ATP9B: variants seen among roughly 807,000 people sequenced by gnomAD.
The protein encoded by ATP9B is ATPase phospholipid transporting 9B.
In ATP9B, 110 loss-of-function variants were observed where a neutral mutation model predicts 146.1. The ratio of observed to expected loss-of-function variants is 0.75; its 90% CI spans 0.65 to 0.88. The LOEUF is 0.88. Among genes scored for constraint, ATP9B ranks in the 40% least tolerant of loss-of-function variants. ATP9B has a pLI of 0.00. For missense variants in ATP9B, 1,499 were observed against 1,496.4 expected (o/e 1.00, Z -0.03); for synonymous variants, 604 against 569.7 (o/e 1.06, Z -0.86).
chr18:79,140,316 T>A (rs118130482), intron 5 of ATP9B, among the ~76,000 whole-genome samples: 1 of 152,342 alleles, frequency 6.6e-6, no homozygotes, highest in East Asian at 1.9e-4. Context: ...TAAATAATTA[T>A]CATCGAATGG....
chr18:79,345,531 C>T lies in ATP9B; in HGVS notation c.2576C>T (p.Thr859Ile). 1 of 1,611,904 alleles carries T rather than the reference C, an allele frequency of 6.2e-7. No individual in the cohort carries two copies. The highest frequency in any genetic ancestry group is 2.2e-5 in the East Asian group (1 of 44,880). The change falls in exon 22 of 30, where the codon ACA becomes ATA. Residue 859 changes from threonine (T) to isoleucine (I), a missense_variant. Transcript: ENST00000426216. The stretch of plus-strand genomic sequence containing the variant: ...CCCACCCAGAAGGCCCGCATTGTGA[C>T]ACTGCTGCAGCAGCACACAGGGAGA... ...CSPTQKARIV[T>I]LLQQHTGRRT...
intron 15 of ATP9B, among the ~76,000 whole-genome samples, chr18:79,327,935 G>A (rs1447815027): frequency 6.3e-5 from 6 of 94,944 alleles, no homozygotes; most frequent in African/African-American, 2.4e-4. Context: ...TCTCTGGTTA[G>A]CGTGCTCTCC....
chr18:79,325,759 G>T (rs904512452), intron 15 of ATP9B, among the ~76,000 whole-genome samples: 3 of 152,186 alleles, frequency 2.0e-5, no homozygotes, highest in Admixed American at 1.3e-4. Flanking sequence ...CCCTGGCTTT[G>T]CTCCCGGCAC....
intron 25 of ATP9B, among the ~76,000 whole-genome samples, chr18:79,351,529 T>C (rs2096922362): frequency 6.6e-6 from 1 of 152,182 alleles, no homozygotes; most frequent in African/African-American, 2.4e-5. Context: ...ATACCAAGAA[T>C]TGAACAAAAA....
At chr18:79,106,538 A>G (rs2075663709) in intron 2 of ATP9B, among the ~76,000 whole-genome samples, 1 of 152,134 alleles carries the variant, frequency 6.6e-6, no homozygotes, top group African/African-American at 2.4e-5. Context: ...TTCACACCTC[A>G]TGCCTGTTGC....
At chr18:79,263,260 C>T (rs979390239) in intron 12 of ATP9B, among the ~76,000 whole-genome samples, 1 of 152,100 alleles carries the variant, frequency 6.6e-6, no homozygotes, top group Non-Finnish European at 1.5e-5. Context: ...GGTTCCAGCA[C>T]CCTCCATGGA....
intron 7 of ATP9B, among the ~76,000 whole-genome samples, chr18:79,156,813 T>C (rs567530312): frequency 6.6e-6 from 1 of 152,212 alleles, no homozygotes; most frequent in Non-Finnish European, 1.5e-5. Context: ...TTAGGTGCTT[T>C]TGCAGTCCAG....
intron 5 of ATP9B, among the ~76,000 whole-genome samples, chr18:79,138,973 T>TG (rs957792341): frequency 2.6e-5 from 4 of 151,820 alleles, no homozygotes; most frequent in African/African-American, 9.7e-5. Flanking sequence ...GAGGCTGAGG[T>TG]GGGGGGATCA....
chr18:79,277,511 A>C (rs2096325628), intron 13 of ATP9B, among the ~76,000 whole-genome samples: 1 of 152,040 alleles, frequency 6.6e-6, no homozygotes. Context: ...ACACCTCCCT[A>C]GTGGCTTATT....
chr18:79,115,358 C>T (rs1396440614), intron 4 of ATP9B: 4 of 130,978 alleles, frequency 3.1e-5, no homozygotes, highest in Admixed American at 7.4e-5. Context: ...AGGTAATTTA[C>T]AGATTCAATG....
chr18:79,264,113 T>C (rs1208831173), intron 12 of ATP9B, among the ~76,000 whole-genome samples: 3 of 151,972 alleles, frequency 2.0e-5, no homozygotes, highest in South Asian at 4.2e-4. Flanking sequence ...AAAAAACATA[T>C]CTAGGAGCAG....
At chr18:79,268,962 T>C (rs986801594) in intron 12 of ATP9B, among the ~76,000 whole-genome samples, 1 of 152,334 alleles carries the variant, frequency 6.6e-6, no homozygotes, top group Non-Finnish European at 1.5e-5. Context: ...GGTCCTTCCA[T>C]CTCTTCCAGC....
At chr18:79,188,124 C>A (rs956983655) in intron 8 of ATP9B, among the ~76,000 whole-genome samples, 2 of 151,970 alleles carry the variant, frequency 1.3e-5, no homozygotes, top group Non-Finnish European at 1.5e-5. Context: ...AATGTAAAAG[C>A]CCAGCCCAGA....
intron 12 of ATP9B, among the ~76,000 whole-genome samples, chr18:79,269,220 T>C (rs1025851142): frequency 1.3e-5 from 2 of 152,184 alleles, no homozygotes; most frequent in Non-Finnish European, 2.9e-5. Context: ...ACGCGGGACA[T>C]GAGGTCAGGG....
chr18:79,175,396 ATATATTCAAAAGGC>A (rs2095148753), intron 7 of ATP9B, among the ~76,000 whole-genome samples: 1 of 152,160 alleles, frequency 6.6e-6, no homozygotes, highest in Non-Finnish European at 1.5e-5. Context: ...ACAGTATAAG[ATATATTCAAAAGGC>A]CTAGCATCTA....
chr18:79,085,883 GT>G (rs34786480), intron 1 of ATP9B: 1 of 151,942 alleles, frequency 6.6e-6, no homozygotes, highest in African/African-American at 2.4e-5. Context: ...AAGCAACACA[GT>G]TTTTTTTAAT....
intron 25 of ATP9B, among the ~76,000 whole-genome samples, chr18:79,356,604 G>A (rs894094564): frequency 5.3e-5 from 8 of 152,240 alleles, no homozygotes; most frequent in African/African-American, 1.7e-4. Context: ...AGAGAATTGC[G>A]CTGTGTAAAA....
rs1568353826 is a variant in ATP9B at position 79,184,374 on chromosome 18, T to TTTG, written c.873+7469_873+7470insGTT. Among the ~76,000 whole-genome samples, 93 of 152,094 alleles carry TTTG rather than the reference T, an allele frequency of 6.1e-4. 1 individual carries two copies. The highest frequency in any genetic ancestry group is 1.3e-4 in the Admixed American group (2 of 15,272). On this transcript the variant is annotated intron_variant, in intron 8 of 29. Transcript: ENST00000426216. ...GGTTTTTTTGTTTGTTTGTTTGTTTTTTTAATTTCATGTTATGAGCTGAGC... is the reference window on the plus strand; with the variant it reads ...GGTTTTTTTGTTTGTTTGTTTGTTTTTTGTTTAATTTCATGTTATGAGCTGAGC...
At chr18:79,126,664 G>A (rs1227045340) in intron 5 of ATP9B, among the ~76,000 whole-genome samples, 1 of 151,884 alleles carries the variant, frequency 6.6e-6, no homozygotes, top group East Asian at 1.9e-4. Flanking sequence ...GTGTTCTATT[G>A]GTATATACGT....
Sources: allele counts gnomAD v4.1 joint callset (sites outside exome capture counted in the v4.1 genomes callset), GRCh38; gene constraint gnomAD v4.1.1; transcripts MANE v1.5; gene names NCBI Gene and HGNC (gene_info 2026-07-23, HGNC 2026-07-21).